Variants in DRC11 observed in about 807,000 individuals in gnomAD.
DRC11 encodes the protein IQ and AAA domain-containing protein 1.
At chr2:236,421,602 T>C in the DRC11 span, among the ~76,000 whole-genome samples, 1 of 152,170 alleles carries the variant, frequency 6.6e-6, no homozygotes, top group Non-Finnish European at 1.5e-5. Context: ...CAGGCCCAGA[T>C]GGATTCACAG....
chr2:236,457,364 C>T, the DRC11 span, among the ~76,000 whole-genome samples: 2 of 152,216 alleles, frequency 1.3e-5, no homozygotes, highest in Non-Finnish European at 2.9e-5. The surrounding 1 kb of genome is among the most constrained non-coding windows in gnomAD (Gnocchi z 4.7). Context: ...ACATCAAACA[C>T]GTTTCCACCA....
At chr2:236,417,477 C>T in the DRC11 span, among the ~76,000 whole-genome samples, 4 of 151,974 alleles carry the variant, frequency 2.6e-5, no homozygotes, top group Non-Finnish European at 5.9e-5. Flanking sequence ...GTCACTGCCT[C>T]TCAACAGTCA....
At chr2:236,399,287 G>T in the DRC11 span, 3 of 827,724 alleles carry the variant, frequency 3.6e-6, no homozygotes, top group Non-Finnish European at 6.1e-6. The surrounding 1 kb of genome is among the most constrained non-coding windows in gnomAD (Gnocchi z 7.0). Context: ...ACCTCGCCTG[G>T]CCAGGAAATT....
chr2:236,339,672 CTGAAT>C, the DRC11 span, among the ~76,000 whole-genome samples: 2 of 152,202 alleles, frequency 1.3e-5, no homozygotes, highest in Non-Finnish European at 2.9e-5. Flanking sequence ...ATTATTCTTT[CTGAAT>C]TGAATTGTCT....
At chr2:236,498,260 G>A in the DRC11 span, among the ~76,000 whole-genome samples, 5 of 150,556 alleles carry the variant, frequency 3.3e-5, no homozygotes, top group African/African-American at 1.2e-4. Context: ...GAGGTCAGGA[G>A]ATCGAGACCA....
At chr2:236,449,754 T>A in the DRC11 span, among the ~76,000 whole-genome samples, 2 of 152,226 alleles carry the variant, frequency 1.3e-5, no homozygotes. This position sits in a 1 kb window ranked among gnomAD's most constrained non-coding sequence, Gnocchi z 5.1. Flanking sequence ...TTATTTTAAA[T>A]GGGAAAATTG....
At chr2:236,345,034 T>A in the DRC11 span, among the ~76,000 whole-genome samples, 43 of 127,974 alleles carry the variant, frequency 3.4e-4, no homozygotes, top group South Asian at 9.9e-4. Flanking sequence ...TAAATGTGCT[T>A]CCCTCTGGGG....
At chr2:236,356,969 T>TTATATATCTATA in the DRC11 span, among the ~76,000 whole-genome samples, 1 of 88,914 alleles carries the variant, frequency 1.1e-5, no homozygotes, top group African/African-American at 4.5e-5. Flanking sequence ...AATATATATA[T>TTATATATCTATA]TATATATTCA....
the DRC11 span, among the ~76,000 whole-genome samples, chr2:236,459,681 GTATATACA>G: frequency 3.2e-4 from 45 of 138,936 alleles, no homozygotes; most frequent in African/African-American, 8.0e-4. Flanking sequence ...ACGTATATAT[GTATATACA>G]TATATACATA....
chr2:236,401,999 C>T, the DRC11 span, among the ~76,000 whole-genome samples: 1 of 152,224 alleles, frequency 6.6e-6, no homozygotes. This position sits in a 1 kb window ranked among gnomAD's most constrained non-coding sequence, Gnocchi z 4.6. Flanking sequence ...TCCCGATACA[C>T]ATGAGAATAC....
chr2:236,349,704 C>G, the DRC11 span, among the ~76,000 whole-genome samples: 1 of 152,198 alleles, frequency 6.6e-6, no homozygotes, highest in Admixed American at 6.5e-5. This position sits in a 1 kb window ranked among gnomAD's most constrained non-coding sequence, Gnocchi z 5.5. Flanking sequence ...AAGGGAACAG[C>G]AGGCACTGGG....
At chr2:236,328,534 C>T in the DRC11 span, among the ~76,000 whole-genome samples, 10 of 152,060 alleles carry the variant, frequency 6.6e-5, no homozygotes, top group Non-Finnish European at 1.5e-5. The surrounding 1 kb of genome is among the most constrained non-coding windows in gnomAD (Gnocchi z 6.7). Flanking sequence ...TTCTGTCTCT[C>T]ATGGGCCTCT....
chr2:236,408,862 C>T, the DRC11 span: 3 of 653,742 alleles, frequency 4.6e-6, no homozygotes. The surrounding 1 kb of genome is among the most constrained non-coding windows in gnomAD (Gnocchi z 5.5). Context: ...ACAGCCTCTA[C>T]CACCTCCTTC....
the DRC11 span, among the ~76,000 whole-genome samples, chr2:236,406,286 CTAT>C: frequency 1.3e-5 from 2 of 152,150 alleles, no homozygotes; most frequent in African/African-American, 4.8e-5. The surrounding 1 kb of genome is among the most constrained non-coding windows in gnomAD (Gnocchi z 4.7). Flanking sequence ...TTAACTACTG[CTAT>C]TATTTCCTGC....
At chr2:236,342,772 T>C in the DRC11 span, among the ~76,000 whole-genome samples, 4 of 152,184 alleles carry the variant, frequency 2.6e-5, no homozygotes, top group Non-Finnish European at 5.9e-5. This position sits in a 1 kb window ranked among gnomAD's most constrained non-coding sequence, Gnocchi z 5.8. Context: ...GCTCTGAGTC[T>C]GGGGTGGCTC....
At chr2:236,423,983 T>G in the DRC11 span, among the ~76,000 whole-genome samples, 2 of 139,184 alleles carry the variant, frequency 1.4e-5, no homozygotes, top group Non-Finnish European at 3.0e-5. Flanking sequence ...TTCTCACTCA[T>G]AGGTGGGAAT....
At chr2:236,445,111 T>G in the DRC11 span, among the ~76,000 whole-genome samples, 1 of 152,232 alleles carries the variant, frequency 6.6e-6, no homozygotes, top group Non-Finnish European at 1.5e-5. This position sits in a 1 kb window ranked among gnomAD's most constrained non-coding sequence, Gnocchi z 4.8. Flanking sequence ...CAATAACCAC[T>G]TTTACAAGGA....
At chr2:236,375,816 C>T in the DRC11 span, among the ~76,000 whole-genome samples, 11 of 152,296 alleles carry the variant, frequency 7.2e-5, no homozygotes, top group African/African-American at 2.6e-4. This position sits in a 1 kb window ranked among gnomAD's most constrained non-coding sequence, Gnocchi z 4.2. Flanking sequence ...TTCCACACTT[C>T]CTCACAGAAG....
chr2:236,456,821 C>T, the DRC11 span, among the ~76,000 whole-genome samples: 9 of 152,288 alleles, frequency 5.9e-5, no homozygotes, highest in African/African-American at 1.9e-4. This position sits in a 1 kb window ranked among gnomAD's most constrained non-coding sequence, Gnocchi z 5.4. Flanking sequence ...GGAGAAATGG[C>T]AATGCTCCAC....
Sources: gnomAD v4.1 joint callset for allele counts (sites outside exome capture counted in the v4.1 genomes callset) on GRCh38, gnomAD v4.1.1 for gene constraint, Gnocchi (gnomAD v3.1) non-coding constraint, MANE v1.5 for transcripts, NCBI Gene and HGNC (gene_info 2026-07-23, HGNC 2026-07-21) for gene names.